Variants in ADAMTSL3 observed in about 807,000 individuals in gnomAD.
The protein encoded by ADAMTSL3 is ADAMTS like 3.
In ADAMTSL3, 128 loss-of-function variants were observed where a neutral mutation model predicts 201.7. The observed-to-expected ratio is 0.63, with a 90% confidence interval of 0.55 to 0.73. ADAMTSL3 has a LOEUF of 0.73. ADAMTSL3 is among the 30% of genes least tolerant of loss of function. The pLI is 0.00. For synonymous variants in ADAMTSL3, 738 were observed against 748.4 expected (o/e 0.99, Z 0.23); for missense variants, 1,990 against 2,119.6 (o/e 0.94, Z 1.20).
At chr15:83,973,113 A>G (rs991833583) in intron 20 of ADAMTSL3, among the ~76,000 whole-genome samples, 1 of 152,108 alleles carries the variant, frequency 6.6e-6, no homozygotes, top group African/African-American at 2.4e-5. Context: ...ATCTGTGATG[A>G]TGACCTTTCT....
intron 28 of ADAMTSL3, among the ~76,000 whole-genome samples, chr15:84,032,542 C>T (rs1318117087): frequency 6.6e-6 from 1 of 152,228 alleles, no homozygotes; most frequent in Non-Finnish European, 1.5e-5. Flanking sequence ...AGGTGCTTTA[C>T]TTTGCATTCA....
intron 26 of ADAMTSL3, 44 bp from the exon 27 acceptor site, chr15:84,025,194 T>A (rs1033904183): frequency 1.6e-5 from 24 of 1,509,596 alleles, no homozygotes; most frequent in Non-Finnish European, 2.0e-5. Flanking sequence ...CTCTAAGATC[T>A]GGCATACCAG....
intron 10 of ADAMTSL3, among the ~76,000 whole-genome samples, chr15:83,888,802 C>A (rs1180722343): frequency 6.6e-6 from 1 of 152,160 alleles, no homozygotes; most frequent in Non-Finnish European, 1.5e-5. Flanking sequence ...TTTTATAATG[C>A]ATACCAGTCC....
chr15:83,725,143 G>A (rs2062154787), intron 3 of ADAMTSL3, among the ~76,000 whole-genome samples: 1 of 152,092 alleles, frequency 6.6e-6, no homozygotes. Context: ...GTTCTCCATA[G>A]TGGTTGTGCT....
At chr15:83,995,413 A>G (rs548666284) in intron 23 of ADAMTSL3, among the ~76,000 whole-genome samples, 2 of 152,312 alleles carry the variant, frequency 1.3e-5, no homozygotes, top group Admixed American at 6.5e-5. Context: ...TCAGAAACCT[A>G]TTGTAAGCAT....
At chr15:83,818,118 C>G (rs1396764765) in intron 5 of ADAMTSL3, among the ~76,000 whole-genome samples, 1 of 152,138 alleles carries the variant, frequency 6.6e-6, no homozygotes, top group African/African-American at 2.4e-5. Flanking sequence ...TTTGAATAGT[C>G]TATAAAATGT....
At chr15:83,787,997 G>A (rs1277376643) in intron 4 of ADAMTSL3, among the ~76,000 whole-genome samples, 1 of 152,028 alleles carries the variant, frequency 6.6e-6, no homozygotes, top group African/African-American at 2.4e-5. Flanking sequence ...TTATTATAAA[G>A]ACATGTTATT....
intron 4 of ADAMTSL3, among the ~76,000 whole-genome samples, chr15:83,783,836 T>G (rs1173470006): frequency 1.8e-5 from 2 of 111,856 alleles, no homozygotes; most frequent in Non-Finnish European, 3.6e-5. Flanking sequence ...GCATATATAC[T>G]CTGTGTGTGT....
chr15:83,666,233 T>C (rs1177481301), intron 2 of ADAMTSL3, among the ~76,000 whole-genome samples: 1 of 152,246 alleles, frequency 6.6e-6, no homozygotes, highest in African/African-American at 2.4e-5. Context: ...TGATATTAAA[T>C]GTATTCCTGC....
chr15:83,865,168 C>G (rs182911324), intron 8 of ADAMTSL3, among the ~76,000 whole-genome samples: 2 of 152,134 alleles, frequency 1.3e-5, no homozygotes, highest in Non-Finnish European at 2.9e-5. Flanking sequence ...GAATCAGTAT[C>G]GTGAAAATGG....
In ADAMTSL3 at chr15:84,005,456, C is replaced by T. The variant is rs1299067297; in HGVS notation, c.3974-9086C>T. On this transcript the variant is annotated intron_variant, in intron 23 of 29. Transcript: ENST00000286744. ...CCACTTGCATAGCTCCAGCATGTATCGCTATGCTTGATTTGCACCAACTCT... is the reference window on the plus strand; with the variant it reads ...CCACTTGCATAGCTCCAGCATGTATTGCTATGCTTGATTTGCACCAACTCT... 3.3e-5 allele frequency among the ~76,000 whole-genome samples: 5 copies of T among 152,160 alleles called. No homozygotes were observed. In the South Asian group the frequency reaches 6.2e-4, roughly 19 times the overall value.
At chr15:83,867,491 A>T (rs1026869991) in intron 8 of ADAMTSL3, among the ~76,000 whole-genome samples, 4 of 152,200 alleles carry the variant, frequency 2.6e-5, no homozygotes, top group Non-Finnish European at 5.9e-5. Flanking sequence ...TTAAGAAGCC[A>T]AGAGGTCATA....
At chr15:83,788,244 C>T (rs2063294766) in intron 4 of ADAMTSL3, among the ~76,000 whole-genome samples, 1 of 152,152 alleles carries the variant, frequency 6.6e-6, no homozygotes, top group Non-Finnish European at 1.5e-5. Context: ...TTAGACCCTT[C>T]TTCTGGAGAA....
chr15:84,010,167 G>A (rs1419536755), intron 23 of ADAMTSL3, among the ~76,000 whole-genome samples: 3 of 152,210 alleles, frequency 2.0e-5, no homozygotes, highest in Admixed American at 6.5e-5. Flanking sequence ...TATAAATGTC[G>A]ATTTATACTC....
At chr15:83,886,653 A>G (rs1021121170) in intron 10 of ADAMTSL3, among the ~76,000 whole-genome samples, 1 of 152,204 alleles carries the variant, frequency 6.6e-6, no homozygotes, top group Admixed American at 6.5e-5. Flanking sequence ...ATCCTTCTCC[A>G]GCCCAGCCTA....
chr15:83,804,782 G>A, intron 5 of ADAMTSL3, 87 bp downstream of exon 5: 1 of 981,082 alleles, frequency 1.0e-6, no homozygotes. Flanking sequence ...TAAAACTGAT[G>A]GTCTCTTAAT....
intron 19 of ADAMTSL3, among the ~76,000 whole-genome samples, chr15:83,943,302 C>G (rs2066598122): frequency 6.6e-6 from 1 of 152,154 alleles, no homozygotes; most frequent in Non-Finnish European, 1.5e-5. Flanking sequence ...CAATATTATT[C>G]AAAGTGTTAT....
At chr15:83,877,741 T>G (rs1476903446) in intron 9 of ADAMTSL3, among the ~76,000 whole-genome samples, 1 of 152,214 alleles carries the variant, frequency 6.6e-6, no homozygotes, top group African/African-American at 2.4e-5. Flanking sequence ...CATACATTTT[T>G]TAGTTCTTTT....
At position 83,922,555 on chromosome 15, in the gene ADAMTSL3, G is replaced by A. The variant is rs192659758; in HGVS notation, c.1988-1349G>A. 3.5e-3 allele frequency among the ~76,000 whole-genome samples: 527 copies of A among 152,218 alleles called. 5 individuals are homozygous for A. The highest frequency in any genetic ancestry group is 6.8e-3 in the Middle Eastern group (2 of 294). On this transcript the variant is annotated intron_variant, in intron 16 of 29. Coordinates refer to ENST00000286744, the MANE Select transcript of ADAMTSL3 (RefSeq NM_207517.3). ...ACAAGGTAACTACGTTTTGATATTT[G>A]CAAATAAAACCTAGAGTTATTAAGT...
Sources: gnomAD v4.1 joint callset for allele counts (sites outside exome capture counted in the v4.1 genomes callset) on GRCh38, gnomAD v4.1.1 for gene constraint, MANE v1.5 for transcripts, NCBI Gene and HGNC (gene_info 2026-07-23, HGNC 2026-07-21) for gene names.